The following PLEKHG4B variants were observed in gnomAD, a reference collection of about 807,000 sequenced individuals.
PLEKHG4B encodes pleckstrin homology and RhoGEF domain containing G4B.
PLEKHG4B carries 111 observed loss-of-function variants against 121.3 expected under a neutral mutation model. The ratio of observed to expected loss-of-function variants is 0.92; its 90% confidence interval spans 0.78 to 1.07. The LOEUF is 1.07. PLEKHG4B is among the 50% of genes least tolerant of loss of function. PLEKHG4B has a pLI of 0.00. For synonymous variants in PLEKHG4B, 738 were observed against 725.0 expected (o/e 1.02, Z -0.29); for missense variants, 1,831 against 1,757.8 (o/e 1.04, Z -0.74).
At chr5:125,793 G>A (rs966496368) in intron 2 of PLEKHG4B, among the ~76,000 whole-genome samples, 1 of 152,140 alleles carries the variant, frequency 6.6e-6, no homozygotes, top group Non-Finnish European at 1.5e-5. Context: ...GGGTCTAGTG[G>A]TAACAAATCC....
At chr5:95,464 A>G (rs1302287452) in intron 1 of PLEKHG4B, among the ~76,000 whole-genome samples, 2 of 151,994 alleles carry the variant, frequency 1.3e-5, no homozygotes, top group Non-Finnish European at 2.9e-5. Flanking sequence ...GTCAGAGCCG[A>G]CTTCGCCATG....
intron 13 of PLEKHG4B, among the ~76,000 whole-genome samples, chr5:165,545 CTAAT>C (rs1326982394): frequency 3.9e-5 from 1 of 25,510 alleles, no homozygotes; most frequent in African/African-American, 1.5e-4. Context: ...GGGGCTCACA[CTAAT>C]GCTCTGACGG....
Position 172,956 on chromosome 5 carries a change from G to A in PLEKHG4B, c.4110G>A (p.Gly1370=). 1 of 1,614,216 alleles carries A rather than the reference G, an allele frequency of 6.2e-7. No individual in the cohort carries two copies. Residue 1370 remains glycine (G), a synonymous_variant, in exon 17 of 20, where the codon GGG becomes GGA. Transcript: ENST00000637938. The stretch of plus-strand genomic sequence containing the variant: ...GGGATGAGTTTATCGTTTGCTGCGG[G>A]AGGAAGAAGTATCTGAGGCATGTGT... ...RCRDEFIVCC[G]RKKYLRHVFL...
chr5:171,587 C>T, intron 16 of PLEKHG4B, 143 bp downstream of exon 16: 1 of 846,794 alleles, frequency 1.2e-6, no homozygotes. Context: ...GCACAGCCTT[C>T]TGAAGGCCGC....
chr5:96,115 C>T (rs1434887991), intron 1 of PLEKHG4B, among the ~76,000 whole-genome samples: 1 of 152,172 alleles, frequency 6.6e-6, no homozygotes, highest in African/African-American at 2.4e-5. Context: ...GGTGGTGTTA[C>T]AGTGGTTTGG....
intron 13 of PLEKHG4B, among the ~76,000 whole-genome samples, chr5:168,280 G>A (rs1047704778): frequency 1.3e-5 from 2 of 152,214 alleles, no homozygotes; most frequent in African/African-American, 4.8e-5. Flanking sequence ...AGCCAAGGGT[G>A]GGGCTGAGGG....
chr5:126,080 C>G (rs1480393212), intron 2 of PLEKHG4B, among the ~76,000 whole-genome samples: 1 of 152,170 alleles, frequency 6.6e-6, no homozygotes, highest in Non-Finnish European at 1.5e-5. Flanking sequence ...GTGTGGGTCT[C>G]TTTGACTTCC....
chr5:103,200 C>G (rs1410298823), intron 1 of PLEKHG4B, among the ~76,000 whole-genome samples: 3 of 152,194 alleles, frequency 2.0e-5, no homozygotes, highest in Non-Finnish European at 4.4e-5. Context: ...TGTTCCCACC[C>G]AGGTCCCATC....
In PLEKHG4B at chr5:156,077, G is replaced by T. The variant is rs558371500; in HGVS notation, c.2215G>T (p.Ala739Ser). Residue 739 changes from alanine to serine, a missense_variant, in exon 10 of 20, where the codon GCC (alanine) becomes TCC (serine). Ala to Ser is a moderately conservative substitution (Grantham distance 99). Coordinates refer to ENST00000637938, the MANE Select transcript of PLEKHG4B (RefSeq NM_052909.5). This position sits in a 1 kb window ranked among gnomAD's most constrained non-coding sequence, Gnocchi z 4.4. ...HRTPRTAQEV[A>S]ELIDQHETMM... is the part of the protein sequence containing the mutation. The stretch of plus-strand genomic sequence containing the variant: ...TCCTCCCCATCCCGTGCAGGAAGTC[G>T]CCGAGTTAATTGACCAGCATGAGAC... The T allele has an allele frequency of 1.3e-6, 2 of 1,580,566 alleles. No individual in the cohort carries two copies. Among genetic ancestry groups the T allele is most frequent in the South Asian group, 1.2e-5 (1 of 86,208 alleles).
chr5:95,081 G>A (rs1347087704), intron 1 of PLEKHG4B, among the ~76,000 whole-genome samples: 1 of 152,164 alleles, frequency 6.6e-6, no homozygotes, highest in Non-Finnish European at 1.5e-5. Flanking sequence ...CCTGGGCCCA[G>A]GTTCTCAAAG....
rs184742326 is a variant in PLEKHG4B, at chr5:123,989, A to C, written c.243+10541A>C. ...TTACTTTTTAAAAATGTAAGCATTTATAGCTATAAATTTCCCCCTTAATGC... is the reference window on the plus strand; with the variant it reads ...TTACTTTTTAAAAATGTAAGCATTTCTAGCTATAAATTTCCCCCTTAATGC... On this transcript the variant is annotated intron_variant, in intron 2 of 19. Transcript: ENST00000637938. Among the ~76,000 whole-genome samples the C allele has an allele frequency of 3.9e-3, 588 of 152,216 alleles. 2 individuals are homozygous for C. Among genetic ancestry groups the C allele is most frequent in the Non-Finnish European group, 6.0e-3 (408 of 68,010 alleles).
chr5:108,044 C>T (rs1333014585), intron 1 of PLEKHG4B, among the ~76,000 whole-genome samples: 2 of 152,178 alleles, frequency 1.3e-5, no homozygotes, highest in East Asian at 1.9e-4. Flanking sequence ...GACTCTGGAG[C>T]ACCCAGCCAT....
chr5:160,082 G>A (rs74403240), intron 11 of PLEKHG4B, among the ~76,000 whole-genome samples: 2,278 of 152,336 alleles, frequency 0.015, 63 homozygotes, highest in African/African-American at 0.051. Context: ...ATAGGTGCAC[G>A]TCTGTCTCTA....
chr5:125,531 G>T (rs1306495855), intron 2 of PLEKHG4B, among the ~76,000 whole-genome samples: 1 of 151,918 alleles, frequency 6.6e-6, no homozygotes, highest in Non-Finnish European at 1.5e-5. Context: ...TACTTTATTA[G>T]TATGAAGTAT....
chr5:135,094 A>C (rs1249516236), intron 2 of PLEKHG4B, among the ~76,000 whole-genome samples: 1 of 149,610 alleles, frequency 6.7e-6, no homozygotes, highest in East Asian at 2.1e-4. Flanking sequence ...AGGCTGAGGC[A>C]GGAGAATGGC....
chr5:134,986 G>A lies in PLEKHG4B; in HGVS notation c.244-4497G>A, dbSNP rs564320698. Among the ~76,000 whole-genome samples, 430 of 151,822 alleles carry A rather than the reference G, an allele frequency of 2.8e-3. 5 individuals are homozygous for A. The highest frequency in any genetic ancestry group is 9.8e-3 in the African/African-American group (407 of 41,438). On this transcript the variant is annotated intron_variant, in intron 2 of 19. Transcript: ENST00000637938. ...AGGCGGATCACCAGGTCAGGAGATC[G>A]AGACCATCCTGGCTAACTTGGTGAA...
intron 18 of PLEKHG4B, among the ~76,000 whole-genome samples, chr5:181,018 T>G (rs1380383456): frequency 6.6e-6 from 1 of 152,196 alleles, no homozygotes; most frequent in East Asian, 1.9e-4. Flanking sequence ...CCTCATACAT[T>G]TTCCTTACAA....
intron 2 of PLEKHG4B, among the ~76,000 whole-genome samples, chr5:127,871 G>T (rs889097612): frequency 3.9e-5 from 6 of 152,174 alleles, no homozygotes; most frequent in South Asian, 2.1e-4. Flanking sequence ...TACATTTTAG[G>T]GATATTGAGA....
At chr5:105,290 G>A (rs1733945317) in intron 1 of PLEKHG4B, among the ~76,000 whole-genome samples, 2 of 152,242 alleles carry the variant, frequency 1.3e-5, no homozygotes, top group Non-Finnish European at 2.9e-5. Context: ...CTCAGAAGCT[G>A]CTTTGGAAGG....
Sources: gnomAD v4.1 joint callset for allele counts (sites outside exome capture counted in the v4.1 genomes callset) on GRCh38, gnomAD v4.1.1 for gene constraint, Gnocchi (gnomAD v3.1) non-coding constraint, MANE v1.5 for transcripts, NCBI Gene and HGNC (gene_info 2026-07-23, HGNC 2026-07-21) for gene names.